The following B3GALT2 variants were observed in gnomAD, a reference collection of about 807,000 sequenced individuals.
B3GALT2 encodes the protein beta-1,3-galactosyltransferase 2, also known as UDP-Gal:betaGlcNAc beta 1,3-galactosyltransferase, polypeptide 2.
A neutral mutation model predicts 33.5 loss-of-function variants in B3GALT2; 13 were observed. The observed-to-expected ratio is 0.39, with a 90% CI of 0.25 to 0.62. The LOEUF (loss-of-function observed/expected upper bound fraction) is 0.62, where lower values mean the gene tolerates loss of function less well. Ranked by LOEUF, B3GALT2 falls within the 20% of genes least tolerant of loss-of-function variation. B3GALT2 has a pLI of 0.53. For synonymous variants in B3GALT2, 195 were observed against 172.7 expected (o/e 1.13, Z -1.01); for missense variants, 418 against 509.1 (o/e 0.82, Z 1.72).
At chr1:193,184,964 T>C (rs181192376) in intron 1 of B3GALT2, among the ~76,000 whole-genome samples, 1 of 152,144 alleles carries the variant, frequency 6.6e-6, no homozygotes, top group Non-Finnish European at 1.5e-5. Flanking sequence ...TTGTAGAATT[T>C]TAGAAATATC....
Position 193,181,124 on chromosome 1 carries a change from G to C in B3GALT2, c.439C>G (p.Gln147Glu), listed in dbSNP as rs1291433963. 6.2e-6 allele frequency: 10 copies of C among 1,613,814 alleles called. No homozygotes were observed. The highest frequency in any genetic ancestry group is 1.7e-5 in the Admixed American group (1 of 59,972). Residue 147 changes from glutamine to glutamate, a missense_variant, in exon 2 of 2, where the codon CAA becomes GAA. By Grantham distance (29) the Gln-to-Glu change is conservative. Coordinates refer to ENST00000367434, the MANE Select transcript of B3GALT2 (RefSeq NM_003783.3). ...KYIINEPEKC[Q>E]EKSPFLILLI... ...AGTATTAAAAAAGGACTTTTCTCTT[G>C]GCATTTTTCAGGCTCATTAATAATA...
Position 193,180,448 on chromosome 1 carries a change from G to A in B3GALT2, c.1115C>T (p.Ser372Leu), listed in dbSNP as rs759133477. The stretch of plus-strand genomic sequence containing the variant: ...AATTAGGTGGCTGTATTTACAGCTC[G>A]AATAAGAGACTCGCCAGTGATTGAA... Reference protein sequence around the residue: ...FVFNHWRVSYSSCKYSHLITS... With the variant: ...FVFNHWRVSYLSCKYSHLITS... Residue 372 changes from serine to leucine, a missense_variant, in exon 2 of 2, where the codon TCG becomes TTG. Ser to Leu is a moderately radical substitution (Grantham distance 145). This residue lies in a region of B3GALT2 where 226 missense variants were observed against 293.9 expected (regional missense o/e 0.77). Transcript: ENST00000367434. 1.2e-6 allele frequency: 2 copies of A among 1,613,996 alleles called. No individual in the cohort carries two copies. The highest frequency in any genetic ancestry group is 2.2e-5 in the South Asian group (2 of 91,052).
chr1:193,179,986 T>A lies in B3GALT2; in HGVS notation c.*308A>T, dbSNP rs1257341329. 1 of 191,968 alleles carries A rather than the reference T, an allele frequency of 5.2e-6. No homozygotes were observed. Among genetic ancestry groups the A allele is most frequent in the African/African-American group, 2.3e-5 (1 of 43,066 alleles). 11.9% of individuals were successfully genotyped at this position (191,968 alleles called of 1,614,324 possible). On this transcript the variant is annotated 3_prime_UTR_variant, in exon 2 of 2. Transcript: ENST00000367434. Reference sequence around the variant, plus strand: ...TGAATTAAAATTTATGTGGAAAACATATGCAGATACATTTTATTGGCCCCT... The same window carrying A: ...TGAATTAAAATTTATGTGGAAAACAAATGCAGATACATTTTATTGGCCCCT...
intron 1 of B3GALT2, among the ~76,000 whole-genome samples, chr1:193,184,595 G>A (rs1558302865): frequency 6.6e-6 from 1 of 151,856 alleles, no homozygotes; most frequent in Non-Finnish European, 1.5e-5. Flanking sequence ...TTTTAAAAGT[G>A]TTGATCTCTT....
At chr1:193,185,488 C>A (rs1002754208) in intron 1 of B3GALT2, among the ~76,000 whole-genome samples, 2 of 151,652 alleles carry the variant, frequency 1.3e-5, no homozygotes, top group East Asian at 1.9e-4. Flanking sequence ...TCATTATCTT[C>A]ATTTAGGGAG....
At chr1:193,182,969 A>G (rs1676743292) in intron 1 of B3GALT2, among the ~76,000 whole-genome samples, 1 of 152,064 alleles carries the variant, frequency 6.6e-6, no homozygotes, top group South Asian at 2.1e-4. Context: ...AGGAGCATTT[A>G]TTTGAAATTA....
chr1:193,185,725 ATTT>A (rs201494057), intron 1 of B3GALT2, among the ~76,000 whole-genome samples: 1 of 151,464 alleles, frequency 6.6e-6, no homozygotes, highest in African/African-American at 2.4e-5. Context: ...AGGGCTACAG[ATTT>A]TTTTTTAAGT....
chr1:193,184,700 A>G lies in B3GALT2; in HGVS notation c.-121+1319T>C, dbSNP rs1676776000. On this transcript the variant is annotated intron_variant, in intron 1 of 1. Transcript: ENST00000367434. Reference sequence around the variant, plus strand: ...CTTAATTGGTGACTTCAATATTGAGAGATTAAGGTACCAAGAGGGACTTGA... The same window carrying G: ...CTTAATTGGTGACTTCAATATTGAGGGATTAAGGTACCAAGAGGGACTTGA... 2.0e-5 allele frequency among the ~76,000 whole-genome samples: 3 copies of G among 152,010 alleles called. 1 individual carries two copies. Among genetic ancestry groups the G allele is most frequent in the East Asian group, 3.9e-4 (2 of 5,188 alleles).
chr1:193,184,988 G>T (rs932002799), intron 1 of B3GALT2, among the ~76,000 whole-genome samples: 1 of 151,954 alleles, frequency 6.6e-6, no homozygotes, highest in African/African-American at 2.4e-5. Context: ...AAGTTCTTGA[G>T]CCCTGAGTTG....
rs1182079719 is a variant in B3GALT2 at position 193,180,109 on chromosome 1, AC to A, written c.*184del. 2.0e-6 allele frequency: 1 copy of A among 499,952 alleles called. No individual in the cohort carries two copies. The highest frequency in any genetic ancestry group is 3.3e-6 in the Non-Finnish European group (1 of 307,480). 31.0% of individuals were successfully genotyped at this position (499,952 alleles called of 1,614,324 possible). A position where few individuals can be genotyped will look rare whatever the true frequency, so the allele number is the denominator to read the frequency against. Reference sequence around the variant, plus strand: ...TTTTTTAAATAGATTGTTTTGGGAAACCTTTTTTGTTATATAATGTTATAGT... The same window carrying A: ...TTTTTTAAATAGATTGTTTTGGGAAACTTTTTTGTTATATAATGTTATAGT... On this transcript the variant is annotated 3_prime_UTR_variant, in exon 2 of 2. Transcript: ENST00000367434.
Position 193,180,447 on chromosome 1 carries a change from C to G in B3GALT2, c.1116G>C (p.Ser372=), listed in dbSNP as rs896980217. ...TAATTAGGTGGCTGTATTTACAGCT[C>G]GAATAAGAGACTCGCCAGTGATTGA... ...FVFNHWRVSY[S]SCKYSHLITS... is the part of the protein sequence containing the mutation. Residue 372 remains serine, a synonymous_variant, in exon 2 of 2, where the codon TCG becomes TCC. Transcript: ENST00000367434. 1 of 1,613,734 alleles carries G rather than the reference C, an allele frequency of 6.2e-7. No homozygotes were observed. Among genetic ancestry groups the G allele is most frequent in the Non-Finnish European group, 8.5e-7 (1 of 1,179,906 alleles).
intron 1 of B3GALT2, among the ~76,000 whole-genome samples, chr1:193,181,981 T>C (rs1676725063): frequency 6.6e-6 from 1 of 152,180 alleles, no homozygotes; most frequent in African/African-American, 2.4e-5. Flanking sequence ...TTGAATGTAT[T>C]CGAGAAAAAT....
chr1:193,181,380 T>C lies in B3GALT2; in HGVS notation c.183A>G (p.Thr61=), dbSNP rs1197204597. 1 of 1,614,026 alleles carries C rather than the reference T, an allele frequency of 6.2e-7. No homozygotes were observed. The highest frequency in any genetic ancestry group is 8.5e-7 in the Non-Finnish European group (1 of 1,179,938). The change falls in exon 2 of 2, where the codon ACA becomes ACG. Residue 61 remains threonine (T), a synonymous_variant. Transcript: ENST00000367434. ...GRAGFKENPV[T]YTFRGFRSTK... Reference sequence around the variant, plus strand: ...TTGACCGAAATCCTCGGAAAGTGTATGTCACAGGGTTTTCTTTGAATCCAG... The same window carrying C: ...TTGACCGAAATCCTCGGAAAGTGTACGTCACAGGGTTTTCTTTGAATCCAG...
intron 1 of B3GALT2, among the ~76,000 whole-genome samples, chr1:193,183,854 A>AT (rs1391735731): frequency 1.3e-5 from 2 of 151,758 alleles, no homozygotes; most frequent in Admixed American, 6.6e-5. Flanking sequence ...AATTATACAG[A>AT]TTTTTTTTAA....
rs1197604541 is a variant in B3GALT2, at chr1:193,179,307, C to T, written c.*987G>A. On this transcript the variant is annotated 3_prime_UTR_variant, in exon 2 of 2. Coordinates refer to ENST00000367434, the MANE Select transcript of B3GALT2 (RefSeq NM_003783.3). The stretch of plus-strand genomic sequence containing the variant: ...ACCTGCTGTCAGGAAATAAACTTCC[C>T]GTATGTTGCATTTTGGCAGACATGC... 2.6e-5 allele frequency: 4 copies of T among 152,138 alleles called. No homozygotes were observed. The highest frequency in any genetic ancestry group is 4.4e-5 in the Non-Finnish European group (3 of 68,022). 9.4% of individuals were successfully genotyped at this position (152,138 alleles called of 1,614,324 possible). A position where few individuals can be genotyped will look rare whatever the true frequency, so the allele number is the denominator to read the frequency against.
At position 193,180,393 on chromosome 1, in the gene B3GALT2, C is replaced by T; in HGVS notation, c.1170G>A (p.Leu390=). ...GTTGTAAATGGTTCCAGTATTTTAT[C>T]AGTTCACTAGGCTGGAACTGATGAG... ...ITSHQFQPSE[L]IKYWNHLQQN... Residue 390 remains leucine (L), a synonymous_variant, in exon 2 of 2, where the codon CTG becomes CTA. Transcript: ENST00000367434. 1 of 1,613,726 alleles carries T rather than the reference C, an allele frequency of 6.2e-7. No individual in the cohort carries two copies. The highest frequency in any genetic ancestry group is 8.5e-7 in the Non-Finnish European group (1 of 1,179,754).
rs1427019076 is a variant in B3GALT2, at chr1:193,180,412, T to C, written c.1151A>G (p.Gln384Arg). ...CKYSHLITSH[Q>R]FQPSELIKYW... is the part of the protein sequence containing the mutation. ...TTTTATCAGTTCACTAGGCTGGAAC[T>C]GATGAGAGGTAATTAGGTGGCTGTA... Residue 384 changes from glutamine (Q) to arginine (R), a missense_variant, in exon 2 of 2, where the codon CAG becomes CGG. Physicochemically the swap from Gln to Arg is conservative, Grantham distance 43. Around this residue, in one of 3 missense-constraint regions of B3GALT2, gnomAD observed 226 missense variants for 293.9 expected, o/e 0.77. Transcript: ENST00000367434. The C allele has an allele frequency of 1.9e-6, 3 of 1,614,064 alleles. 1 individual carries two copies.
rs1355616183 is a variant in B3GALT2 at position 193,179,691 on chromosome 1, AAG to A, written c.*601_*602del. On this transcript the variant is annotated 3_prime_UTR_variant, in exon 2 of 2. Transcript: ENST00000367434. ...TATTAATAAAAGAAAGTATTAATAA[AAG>A]AAATTTAAAATAATATCTCAGTTAT... 1.3e-5 allele frequency: 2 copies of A among 152,600 alleles called. No homozygotes were observed. Among genetic ancestry groups the A allele is most frequent in the Non-Finnish European group, 2.9e-5 (2 of 68,018 alleles). 9.5% of individuals were successfully genotyped at this position (152,600 alleles called of 1,614,324 possible). A position where few individuals can be genotyped will look rare whatever the true frequency, so the allele number is the denominator to read the frequency against.
At chr1:193,185,156 AT>A (rs764166749) in intron 1 of B3GALT2, among the ~76,000 whole-genome samples, 27 of 152,202 alleles carry the variant, frequency 1.8e-4, no homozygotes, top group Non-Finnish European at 4.0e-4. Flanking sequence ...ATTTGTGGAT[AT>A]TTTTGTATCA....
Sources: allele counts gnomAD v4.1 joint callset (sites outside exome capture counted in the v4.1 genomes callset), GRCh38; gene constraint gnomAD v4.1.1; regional missense constraint gnomAD v4.1.1; transcripts MANE v1.5; gene names NCBI Gene and HGNC (gene_info 2026-07-23, HGNC 2026-07-21).